RGS8: variants seen among roughly 807,000 people sequenced by gnomAD.
The protein encoded by RGS8 is regulator of G-protein signaling 8.
RGS8 carries 8 observed loss-of-function variants against 21.7 expected under a neutral mutation model. That is an observed-to-expected ratio of 0.37 (90% confidence interval 0.22 to 0.66). The LOEUF is 0.66. Among genes scored for constraint, RGS8 ranks in the 30% least tolerant of loss-of-function variants. The pLI, the probability that RGS8 is intolerant of heterozygous loss-of-function variation, is 0.59. For synonymous variants in RGS8, 80 were observed against 83.6 expected (o/e 0.96, Z 0.24); for missense variants, 157 against 217.9 (o/e 0.72, Z 1.76).
intron 5 of RGS8, among the ~76,000 whole-genome samples, chr1:182,664,985 C>G (rs1454699137): frequency 6.6e-6 from 1 of 152,216 alleles, no homozygotes; most frequent in Non-Finnish European, 1.5e-5. Flanking sequence ...AGTAACAACG[C>G]TGAGTCAAAA....
the RGS8 span, among the ~76,000 whole-genome samples, chr1:182,690,889 A>G: frequency 6.6e-6 from 1 of 152,204 alleles, no homozygotes; most frequent in Non-Finnish European, 1.5e-5. Flanking sequence ...ATGCAAGTAG[A>G]CTTGAAAAGC....
intron 5 of RGS8, among the ~76,000 whole-genome samples, chr1:182,653,875 T>A (rs1663140915): frequency 6.6e-6 from 1 of 152,182 alleles, no homozygotes; most frequent in African/African-American, 2.4e-5. Context: ...TATGTATGAA[T>A]GCAGGAAAGT....
At chr1:182,642,264 G>A (rs984866393), downstream of RGS8, 18 of 152,268 alleles carry the variant, frequency 1.2e-4, no homozygotes, top group African/African-American at 4.1e-4. Flanking sequence ...GTGGCATGGT[G>A]GGACAGGCTC....
At chr1:182,672,843 C>T (rs1157899280), upstream of RGS8, 2 of 1,614,202 alleles carry the variant, frequency 1.2e-6, no homozygotes, top group South Asian at 1.1e-5. Flanking sequence ...ACACTGCCTG[C>T]TTCAGTTCCA....
the RGS8 span, among the ~76,000 whole-genome samples, chr1:182,744,065 A>C: frequency 6.6e-6 from 1 of 152,224 alleles, no homozygotes; most frequent in African/African-American, 2.4e-5. Flanking sequence ...TTCCAGTCCC[A>C]GAACAACTCC....
intron 5 of RGS8, among the ~76,000 whole-genome samples, chr1:182,664,087 C>T (rs748958453): frequency 1.7e-4 from 26 of 152,160 alleles, no homozygotes; most frequent in Non-Finnish European, 1.8e-4. Context: ...GTCATCAAAT[C>T]AGACAAATAA....
upstream of RGS8, among the ~76,000 whole-genome samples, chr1:182,685,697 G>A (rs542294407): frequency 7.9e-5 from 12 of 152,180 alleles, no homozygotes; most frequent in East Asian, 1.2e-3. Context: ...CACTCTGGGC[G>A]TTCTCAGTCA....
chr1:182,701,968 CACTT>C, the RGS8 span, among the ~76,000 whole-genome samples: 4 of 152,134 alleles, frequency 2.6e-5, no homozygotes, highest in East Asian at 1.9e-4. Flanking sequence ...GAAAAAATAA[CACTT>C]ACACACTATT....
the RGS8 span, among the ~76,000 whole-genome samples, chr1:182,727,741 T>C: frequency 6.6e-6 from 1 of 152,160 alleles, no homozygotes; most frequent in South Asian, 2.1e-4. Context: ...ATAGAGTTTT[T>C]TCTAAAGTAA....
At chr1:182,734,028 C>A in the RGS8 span, among the ~76,000 whole-genome samples, 2 of 151,988 alleles carry the variant, frequency 1.3e-5, no homozygotes, top group Admixed American at 1.3e-4. Context: ...TCAAGCAATT[C>A]TCCTGCCTCA....
intron 5 of RGS8, among the ~76,000 whole-genome samples, chr1:182,658,838 C>T (rs1441564715): frequency 2.0e-5 from 3 of 152,156 alleles, no homozygotes; most frequent in Admixed American, 6.5e-5. Context: ...CAGAGCAAGA[C>T]CCTGTCTCTA....
chr1:182,714,320 G>A, the RGS8 span: 63 of 152,288 alleles, frequency 4.1e-4, no homozygotes, highest in African/African-American at 1.4e-3. Context: ...TAGGCTGTAA[G>A]ATCCACAAGA....
At chr1:182,722,161 A>G in the RGS8 span, among the ~76,000 whole-genome samples, 3,279 of 151,550 alleles carry the variant, frequency 0.022, 132 homozygotes, top group African/African-American at 0.075. Context: ...TCCAGAGGAA[A>G]TTTTGCAAAG....
the RGS8 span, among the ~76,000 whole-genome samples, chr1:182,751,975 C>T: frequency 2.0e-5 from 3 of 152,166 alleles, no homozygotes; most frequent in African/African-American, 4.8e-5. Flanking sequence ...TCCTCACAGG[C>T]GCCGCGGTTC....
chr1:182,698,471 G>A, the RGS8 span, among the ~76,000 whole-genome samples: 4 of 152,308 alleles, frequency 2.6e-5, no homozygotes, highest in Admixed American at 2.6e-4. Context: ...AATAATATCT[G>A]CCACATAGAA....
chr1:182,717,112 T>C, the RGS8 span, among the ~76,000 whole-genome samples: 3 of 152,222 alleles, frequency 2.0e-5, no homozygotes, highest in Admixed American at 2.0e-4. Flanking sequence ...CATTCATCTG[T>C]AAAACTAGAG....
the RGS8 span, among the ~76,000 whole-genome samples, chr1:182,742,939 T>C: frequency 6.6e-6 from 1 of 152,230 alleles, no homozygotes; most frequent in Non-Finnish European, 1.5e-5. Flanking sequence ...CTTAATGGAA[T>C]ATGCTAAGGA....
At chr1:182,736,861 A>C in the RGS8 span, among the ~76,000 whole-genome samples, 228 of 152,342 alleles carry the variant, frequency 1.5e-3, 1 homozygote, top group African/African-American at 5.3e-3. Context: ...ATGCTGTGAC[A>C]TGTCCATATA....
At chr1:182,661,381 T>G (rs933964635) in intron 5 of RGS8, among the ~76,000 whole-genome samples, 3 of 152,132 alleles carry the variant, frequency 2.0e-5, no homozygotes, top group African/African-American at 7.2e-5. Context: ...GGTGAGGTGC[T>G]CATTCACCCA....
Sources: gnomAD v4.1 joint callset for allele counts (sites outside exome capture counted in the v4.1 genomes callset) on GRCh38, gnomAD v4.1.1 for gene constraint, MANE v1.5 for transcripts, NCBI Gene and HGNC (gene_info 2026-07-23, HGNC 2026-07-21) for gene names.